Variants in CD34 observed in about 807,000 individuals in gnomAD.
CD34 encodes the protein CD34 molecule, also known as hematopoietic progenitor cell antigen CD34.
In CD34, 34 loss-of-function variants were observed where a neutral mutation model predicts 40.1. The observed-to-expected ratio is 0.85, with a 90% CI of 0.65 to 1.13. CD34 has a LOEUF of 1.13. Among genes scored for constraint, CD34 ranks in the 50% most tolerant of loss-of-function variants. The probability of loss-of-function intolerance (pLI) is 0.00; values close to 1 mark genes in which losing one functional copy is unlikely to be tolerated. For synonymous variants in CD34, 209 were observed against 190.0 expected (o/e 1.10, Z -0.82); for missense variants, 426 against 466.9 (o/e 0.91, Z 0.81).
intron 4 of CD34, 106 bp downstream of exon 4, chr1:207,897,387 C>T: frequency 1.2e-6 from 1 of 826,942 alleles, no homozygotes; most frequent in African/African-American, 1.7e-5. Flanking sequence ...ACTCCCCGGA[C>T]CCCTACTCAA....
At chr1:207,889,700 C>T (rs1160989217) in intron 4 of CD34, 79 bp from the exon 5 acceptor site, 5 of 1,606,102 alleles carry the variant, frequency 3.1e-6, no homozygotes, top group East Asian at 2.2e-5. Flanking sequence ...TCTCTGATTA[C>T]AGTCATACTC....
At chr1:207,900,587 T>C (rs1446781725) in intron 1 of CD34, among the ~76,000 whole-genome samples, 1 of 152,222 alleles carries the variant, frequency 6.6e-6, no homozygotes, top group East Asian at 1.9e-4. Context: ...TAAAAATCTA[T>C]ACTTCTCAGA....
In CD34 at chr1:207,887,650, G is replaced by A. The variant is rs1661928840; in HGVS notation, c.*88C>T. 2 of 1,564,356 alleles carry A rather than the reference G, an allele frequency of 1.3e-6. No homozygotes were observed. The highest frequency in any genetic ancestry group is 8.7e-7 in the Non-Finnish European group (1 of 1,152,832). ...TGGGGAAGGGTTGGGCGTAAGAGAT[G>A]TCACCTCCAGCATGGGGGTAGCACG... On this transcript the variant is annotated 3_prime_UTR_variant, in exon 8 of 8. Transcript: ENST00000310833.
chr1:207,898,037 T>TTATA (rs1662187830), intron 3 of CD34, among the ~76,000 whole-genome samples: 1 of 74,506 alleles, frequency 1.3e-5, no homozygotes, highest in Non-Finnish European at 3.4e-5. Context: ...GCTCTTTTAT[T>TTATA]TATTTATTTA....
chr1:207,889,698 T>C (rs778239099), intron 4 of CD34, 77 bp from the exon 5 acceptor site: 16 of 1,607,942 alleles, frequency 1.0e-5, no homozygotes, highest in Middle Eastern at 1.7e-4. Flanking sequence ...AGTCTCTGAT[T>C]ACAGTCATAC....
At chr1:207,895,561 C>A (rs1321198197) in intron 4 of CD34, among the ~76,000 whole-genome samples, 1 of 152,130 alleles carries the variant, frequency 6.6e-6, no homozygotes, top group Non-Finnish European at 1.5e-5. Context: ...AGCTGTGGCA[C>A]GAAGTAGGCC....
At chr1:207,900,102 C>T in intron 1 of CD34, 99 bp from the exon 2 acceptor site, 1 of 883,610 alleles carries the variant, frequency 1.1e-6, no homozygotes, top group Non-Finnish European at 1.7e-6. Flanking sequence ...TCGTCTAGAA[C>T]ATTCCCTGCT....
At chr1:207,905,905 C>G (rs1433775437) in intron 1 of CD34, among the ~76,000 whole-genome samples, 1 of 152,240 alleles carries the variant, frequency 6.6e-6, no homozygotes, top group Non-Finnish European at 1.5e-5. Context: ...TATGTTTACA[C>G]AGATATTCCA....
At chr1:207,900,058 T>C in intron 1 of CD34, 55 bp from the exon 2 acceptor site, 1 of 1,365,110 alleles carries the variant, frequency 7.3e-7, no homozygotes, top group Non-Finnish European at 1.0e-6. Context: ...CCTGGTGATA[T>C]CACCTGATGC....
intron 1 of CD34, among the ~76,000 whole-genome samples, chr1:207,904,298 C>T (rs656801): frequency 0.78 from 118,930 of 152,092 alleles, 47,429 homozygotes; most frequent in Admixed American, 0.86. Context: ...AGGAGTATCT[C>T]GAAGGAGTTC....
In CD34 at chr1:207,890,112, G is replaced by A. The variant is rs116463560; in HGVS notation, c.598-491C>T. ...GGCCTCCTCCCTCTTTCTACCCAAA[G>A]GAGTCTCAAAAAGTGCATTGCTCAA... On this transcript the variant is annotated intron_variant, in intron 4 of 7. Transcript: ENST00000310833. 3,179 of 1,184,650 alleles carry A rather than the reference G, an allele frequency of 2.7e-3. 45 individuals carry two copies. In the African/African-American group the frequency reaches 0.035, roughly 13 times the overall value. The allele number at this position is 1,184,650 out of a possible 1,614,324, so 73.4% of individuals were successfully genotyped here. A position where few individuals can be genotyped will look rare whatever the true frequency, so the allele number is the denominator to read the frequency against.
chr1:207,889,523 G>A lies in CD34; in HGVS notation c.696C>T (p.Leu232=), dbSNP rs770542938. 2 of 1,614,112 alleles carry A rather than the reference G, an allele frequency of 1.2e-6. No individual in the cohort carries two copies. The highest frequency in any genetic ancestry group is 2.2e-5 in the South Asian group (2 of 91,072). Residue 232 remains leucine (L), a synonymous_variant, in exon 5 of 8, where the codon CTC becomes CTT. Transcript: ENST00000310833. The part of the protein sequence containing the change: ...ADAGAQVCSL[L]LAQSEVRPQC... ...GAGGCCTCACCTCAGACTGGGCAAG[G>A]AGCAGGGAGCATACCTGGGCCCCAG...
chr1:207,903,532 C>A lies in CD34; in HGVS notation c.80-3529G>T, dbSNP rs575098216. Among the ~76,000 whole-genome samples, 3 of 152,336 alleles carry A rather than the reference C, an allele frequency of 2.0e-5. No homozygotes were observed. In the South Asian group the frequency reaches 6.2e-4, roughly 32 times the overall value. The stretch of plus-strand genomic sequence containing the variant: ...ATTAACTGTGTTTCCCTAGGGACTC[C>A]ATTTGACCCTTAGTTACTCTAGTTG... On this transcript the variant is annotated intron_variant, in intron 1 of 7. Transcript: ENST00000310833.
intron 4 of CD34, among the ~76,000 whole-genome samples, chr1:207,892,206 T>C (rs114386301): frequency 4.7e-4 from 72 of 152,326 alleles, no homozygotes; most frequent in African/African-American, 1.6e-3. Flanking sequence ...CTGGATTCTT[T>C]GCAAGTCATG....
rs988703880 is a variant in CD34, at chr1:207,911,119, A to G, written c.-39T>C. On this transcript the variant is annotated 5_prime_UTR_variant, in exon 1 of 8. Coordinates refer to ENST00000310833, the MANE Select transcript of CD34 (RefSeq NM_001025109.2). ...CTCCTAGAGAGACGCACCGAGTGGAAGACACTACTCGGCTTGGCCAGGACG... is the reference window on the plus strand; with the variant it reads ...CTCCTAGAGAGACGCACCGAGTGGAGGACACTACTCGGCTTGGCCAGGACG... The G allele has an allele frequency of 6.5e-7, 1 of 1,535,158 alleles. No individual in the cohort carries two copies. The highest frequency in any genetic ancestry group is 8.8e-7 in the Non-Finnish European group (1 of 1,140,630).
At chr1:207,909,406 TTTTG>T (rs769785520) in intron 1 of CD34, among the ~76,000 whole-genome samples, 2 of 152,006 alleles carry the variant, frequency 1.3e-5, no homozygotes, top group Non-Finnish European at 2.9e-5. Flanking sequence ...GTTTTTTGTT[TTTTG>T]TTTGTTTGTT....
At chr1:207,907,740 C>T (rs566356878) in intron 1 of CD34, among the ~76,000 whole-genome samples, 16 of 152,284 alleles carry the variant, frequency 1.1e-4, no homozygotes, top group Admixed American at 4.6e-4. Flanking sequence ...CTTAGCACAA[C>T]GTCCAGCTCT....
rs1661833306 is a variant in CD34 at position 207,882,922 on chromosome 1, G to C, written c.*4816C>G. On this transcript the variant is annotated 3_prime_UTR_variant, in exon 8 of 8. Transcript: ENST00000310833. ...ACTTACACTCAATGCATATTGTTCT[G>C]TCATCTGTCCCTCCCACATCCACCC... 6.6e-6 allele frequency: 1 copy of C among 152,060 alleles called. No individual in the cohort carries two copies. Among genetic ancestry groups the C allele is most frequent in the South Asian group, 2.1e-4 (1 of 4,824 alleles). The allele number at this position is 152,060 out of a possible 1,614,324, so 9.4% of individuals were successfully genotyped here.
chr1:207,904,841 G>C (rs115139306), intron 1 of CD34, among the ~76,000 whole-genome samples: 1,601 of 152,308 alleles, frequency 0.011, 21 homozygotes, highest in African/African-American at 0.034. Flanking sequence ...ACAATCCTTG[G>C]AGTTTAGGAA....
Sources: allele counts gnomAD v4.1 joint callset (sites outside exome capture counted in the v4.1 genomes callset), GRCh38; gene constraint gnomAD v4.1.1; transcripts MANE v1.5; gene names NCBI Gene and HGNC (gene_info 2026-07-23, HGNC 2026-07-21).